DCAF8L2: variants seen among roughly 807,000 people sequenced by gnomAD.
DCAF8L2 encodes DDB1 and CUL4 associated factor 8 like 2.
For missense variants in DCAF8L2, 430 were observed against 490.7 expected (o/e 0.88, Z 1.17); for synonymous variants, 200 against 190.9 (o/e 1.05, Z -0.39).
chrX:27,593,467 T>G (rs1379767573), intron 1 of DCAF8L2, among the ~76,000 whole-genome samples: 3 of 111,916 alleles, frequency 2.7e-5, no homozygotes, highest in African/African-American at 9.8e-5. Flanking sequence ...GTTTATCTAT[T>G]CAGACATCTG....
upstream of DCAF8L2, among the ~76,000 whole-genome samples, chrX:27,587,985 A>AAATATATAT: frequency 4.0e-4 from 9 of 22,362 alleles, no homozygotes; most frequent in African/African-American, 7.9e-4. Flanking sequence ...TAAAAAAAAA[A>AAATATATAT]ATATATATAT....
chrX:27,607,925 A>C (rs756477186), intron 1 of DCAF8L2, among the ~76,000 whole-genome samples: 8 of 111,975 alleles, frequency 7.1e-5, no homozygotes, highest in African/African-American at 1.9e-4. Flanking sequence ...TACAACTTGG[A>C]AAAAAGTGTT....
chrX:27,551,368 G>A, the DCAF8L2 span, among the ~76,000 whole-genome samples: 1 of 110,590 alleles, frequency 9.0e-6, no homozygotes, highest in African/African-American at 3.3e-5. Flanking sequence ...CAAAGGCTGA[G>A]AAGATCATTA....
chrX:27,488,539 G>A, the DCAF8L2 span, among the ~76,000 whole-genome samples: 4 of 76,382 alleles, frequency 5.2e-5, no homozygotes, highest in African/African-American at 2.8e-4. Flanking sequence ...GTGTGTGTGT[G>A]TGTGTGTGTG....
the DCAF8L2 span, among the ~76,000 whole-genome samples, chrX:27,503,140 T>C: frequency 8.9e-6 from 1 of 111,928 alleles, no homozygotes; most frequent in Admixed American, 9.5e-5. Context: ...GCTTATTTTC[T>C]TGTTAGATTT....
the DCAF8L2 span, among the ~76,000 whole-genome samples, chrX:27,494,512 G>A: frequency 8.9e-6 from 1 of 112,500 alleles, no homozygotes; most frequent in Non-Finnish European, 1.9e-5. Context: ...CTGACAGACT[G>A]TTTTCCAAAG....
chrX:27,532,726 ATATT>A, the DCAF8L2 span, among the ~76,000 whole-genome samples: 41,524 of 85,319 alleles, frequency 0.49, 10,204 homozygotes, highest in East Asian at 0.78. Flanking sequence ...AGTGAGACCC[ATATT>A]TATTTATTTA....
At position 27,627,653 on chromosome X, in the gene DCAF8L2, T is replaced by C. The variant is rs771223522; in HGVS notation, c.-341-4226T>C. ...TCTCATGCCTGTAATCTCAGCACTT[T>C]GGGAAGCTGAGCCAGGTGGATCACG... On this transcript the variant is annotated intron_variant, in intron 1 of 4. Transcript: ENST00000451261. Among the ~76,000 whole-genome samples the C allele has an allele frequency of 5.7e-4, 61 of 107,134 alleles. No individual in the cohort carries two copies. The Admixed American group carries it at 6.1e-3, about 11-fold the overall frequency. The allele number at this position is 107,134 out of a possible 115,157, so 93.0% of individuals were successfully genotyped here.
chrX:27,612,013 G>A (rs769370523), intron 1 of DCAF8L2, among the ~76,000 whole-genome samples: 2 of 111,401 alleles, frequency 1.8e-5, no homozygotes, highest in African/African-American at 6.5e-5. Context: ...TTGAGGAATC[G>A]CCACACTGTC....
intron 3 of DCAF8L2, among the ~76,000 whole-genome samples, chrX:27,712,949 G>A (rs6628307): frequency 0.1 from 11,103 of 111,119 alleles, 544 homozygotes; most frequent in East Asian, 0.35. Context: ...GGACCCATCA[G>A]AAAATATGTG....
the DCAF8L2 span, among the ~76,000 whole-genome samples, chrX:27,534,182 G>A: frequency 9.7e-6 from 1 of 103,484 alleles, no homozygotes; most frequent in Non-Finnish European, 2.0e-5. Flanking sequence ...CTGTGCTTCA[G>A]CCTGGGCTAC....
the DCAF8L2 span, among the ~76,000 whole-genome samples, chrX:27,502,338 ATATATATATATATAT>A: frequency 2.6e-3 from 71 of 27,542 alleles, 3 homozygotes; most frequent in African/African-American, 0.012. Flanking sequence ...AAAAAAAAAT[ATATATATATATATAT>A]ATATATATAT....
the DCAF8L2 span, among the ~76,000 whole-genome samples, chrX:27,487,231 A>G: frequency 6.4e-5 from 7 of 109,989 alleles, no homozygotes; most frequent in Non-Finnish European, 7.6e-5. Context: ...ATTGACAAGG[A>G]CAATGTCTTC....
chrX:27,536,009 T>C, the DCAF8L2 span, among the ~76,000 whole-genome samples: 1 of 111,957 alleles, frequency 8.9e-6, no homozygotes, highest in Non-Finnish European at 1.9e-5. Context: ...ATATAATTAC[T>C]GATCTCCAAT....
chrX:27,575,555 T>C, the DCAF8L2 span, among the ~76,000 whole-genome samples: 1 of 111,456 alleles, frequency 9.0e-6, no homozygotes, highest in East Asian at 2.8e-4. Context: ...ATCATTACTG[T>C]GATATAAATG....
the DCAF8L2 span, among the ~76,000 whole-genome samples, chrX:27,532,922 A>G: frequency 9.6e-6 from 1 of 103,878 alleles, no homozygotes; most frequent in East Asian, 3.0e-4. Flanking sequence ...CTAAAAATAC[A>G]AAAAATTAGC....
rs200718182 is a variant in DCAF8L2, at chrX:27,606,358, A to AATATATATATAT, written c.-342+15931_-342+15942dup. On this transcript the variant is annotated intron_variant, in intron 1 of 4. Coordinates refer to ENST00000451261, the MANE Select transcript of DCAF8L2 (RefSeq NM_001353450.2). Reference sequence around the variant, plus strand: ...TATAGGAATTATATATATATCTAGGAATATATATATATATATATATATATT... The same window carrying AATATATATATAT: ...TATAGGAATTATATATATATCTAGGAATATATATATATATATATATATATATATATATATATT... Among the ~76,000 whole-genome samples, 59 of 39,755 alleles carry AATATATATATAT rather than the reference A, an allele frequency of 1.5e-3. 3 individuals are homozygous for AATATATATATAT. Among genetic ancestry groups the AATATATATATAT allele is most frequent in the African/African-American group, 9.4e-3 (51 of 5,405 alleles). The allele number at this position is 39,755 out of a possible 115,157, so 34.5% of individuals were successfully genotyped here.
the DCAF8L2 span, among the ~76,000 whole-genome samples, chrX:27,536,787 C>T: frequency 4.5e-5 from 5 of 111,823 alleles, no homozygotes; most frequent in African/African-American, 1.6e-4. Context: ...CCCATGGCTC[C>T]ACCCCGTTCT....
intron 3 of DCAF8L2, among the ~76,000 whole-genome samples, chrX:27,711,712 T>C (rs1931540541): frequency 9.0e-6 from 1 of 110,519 alleles, no homozygotes; most frequent in Non-Finnish European, 1.9e-5. Context: ...AGAGTAATGC[T>C]GGCCTCATAA....
Sources: gnomAD v4.1 joint callset for allele counts (sites outside exome capture counted in the v4.1 genomes callset) on GRCh38, gnomAD v4.1.1 for gene constraint, MANE v1.5 for transcripts, NCBI Gene and HGNC (gene_info 2026-07-23, HGNC 2026-07-21) for gene names.